The following TACC3 variants were observed in gnomAD, a reference collection of about 807,000 sequenced individuals.
TACC3 encodes transforming acidic coiled-coil containing protein 3.
TACC3 carries 52 observed loss-of-function variants against 86.0 expected under a neutral mutation model. The ratio of observed to expected loss-of-function variants is 0.60; its 90% CI spans 0.48 to 0.76. TACC3 has a LOEUF of 0.76. TACC3 is among the 30% of genes least tolerant of loss of function. The pLI is 0.00. For synonymous variants in TACC3, 512 were observed against 430.0 expected (o/e 1.19, Z -2.36); for missense variants, 1,120 against 1,070.4 (o/e 1.05, Z -0.65).
intron 6 of TACC3, among the ~76,000 whole-genome samples, chr4:1,732,095 G>GT (rs1264641374): frequency 2.0e-5 from 3 of 152,302 alleles, no homozygotes; most frequent in African/African-American, 7.2e-5. Flanking sequence ...GGAGGCTGCA[G>GT]TTAAACATGG....
At chr4:1,740,427 G>C (rs568613366) in intron 12 of TACC3, 1 of 344,342 alleles carries the variant, frequency 2.9e-6, no homozygotes, top group East Asian at 5.9e-5. Flanking sequence ...CTACTGTGGG[G>C]ATCTGTCTTA....
chr4:1,727,886 G>C lies in TACC3; in HGVS notation c.484G>C (p.Gly162Arg). 1 of 1,613,922 alleles carries C rather than the reference G, an allele frequency of 6.2e-7. No homozygotes were observed. Among genetic ancestry groups the C allele is most frequent in the Non-Finnish European group, 8.5e-7 (1 of 1,180,032 alleles). ...LDCSSSSQSP[G>R]SSENQMVSPG... ...CTGCTCAAGCTCTTCCCAGAGCCCAGGAAGTTCTGAGAACCAAATGGTGTC... is the reference window on the plus strand; with the variant it reads ...CTGCTCAAGCTCTTCCCAGAGCCCACGAAGTTCTGAGAACCAAATGGTGTC... The change falls in exon 4 of 16, where the codon GGA (glycine) becomes CGA (arginine). Residue 162 changes from glycine to arginine, a missense_variant. By Grantham distance (125) the Gly-to-Arg change is moderately radical. Coordinates refer to ENST00000313288, the MANE Select transcript of TACC3 (RefSeq NM_006342.3).
chr4:1,724,927 A>ATTTT lies in TACC3; in HGVS notation c.305+1076_305+1079dup, dbSNP rs56412328. On this transcript the variant is annotated intron_variant, in intron 3 of 15. Transcript: ENST00000313288. ...AACTGTGAGCCACCATGCCCGGCCA[A>ATTTT]TTTTTTTTTTTTTTTTTTTTTTACA... is the stretch of plus-strand genomic sequence containing the variant. Among the ~76,000 whole-genome samples, 433 of 110,126 alleles carry ATTTT rather than the reference A, an allele frequency of 3.9e-3. 9 individuals carry two copies. Among genetic ancestry groups the ATTTT allele is most frequent in the African/African-American group, 0.015 (398 of 26,826 alleles). The allele number at this position is 110,126 out of a possible 152,430, so 72.2% of individuals were successfully genotyped here.
chr4:1,728,749 T>C lies in TACC3; in HGVS notation c.1347T>C (p.Ala449=). The change falls in exon 4 of 16, where the codon GCT becomes GCC. Residue 449 remains alanine (A), a synonymous_variant. Coordinates refer to ENST00000313288, the MANE Select transcript of TACC3 (RefSeq NM_006342.3). The stretch of plus-strand genomic sequence containing the variant: ...AGCCAGCGGCTGAACAGTTGCATGC[T>C]GGGCCTGCCACGGAGGAGCCAGGTC... ...LGQPAAEQLH[A]GPATEEPGPC... 6.2e-7 allele frequency: 1 copy of C among 1,611,434 alleles called. No homozygotes were observed. Among genetic ancestry groups the C allele is most frequent in the Non-Finnish European group, 8.5e-7 (1 of 1,179,448 alleles).
chr4:1,723,406 G>C lies in TACC3; in HGVS notation c.-1-15G>C. On this transcript the variant is annotated splice_polypyrimidine_tract_variant and intron_variant, in intron 1 of 15. Transcript: ENST00000313288. ...GTTGCCCTCACACTGACACAAACAT[G>C]TTCTGCTTTTCCAGAATGAGTCTGC... 1.9e-6 allele frequency: 3 copies of C among 1,610,668 alleles called. No homozygotes were observed. The highest frequency in any genetic ancestry group is 2.5e-6 in the Non-Finnish European group (3 of 1,178,190).
chr4:1,741,068 C>A, intron 13 of TACC3, 82 bp downstream of exon 13: 1 of 1,410,078 alleles, frequency 7.1e-7, no homozygotes, highest in Non-Finnish European at 9.6e-7. Context: ...AAGCTGCTGT[C>A]TTTGCACCTT....
At chr4:1,743,293 G>A (rs540982089) in intron 13 of TACC3, among the ~76,000 whole-genome samples, 4 of 149,730 alleles carry the variant, frequency 2.7e-5, no homozygotes, top group East Asian at 3.9e-4. Flanking sequence ...AGTGGCTCAC[G>A]CCTGTAATCC....
intron 8 of TACC3, among the ~76,000 whole-genome samples, chr4:1,736,173 C>T (rs1023760762): frequency 2.4e-4 from 37 of 152,174 alleles, no homozygotes; most frequent in Admixed American, 2.4e-3. Flanking sequence ...CCTGTAATCC[C>T]AGCACTTTGG....
At chr4:1,721,971 T>C (rs1179754005) in intron 1 of TACC3, 1 of 152,220 alleles carries the variant, frequency 6.6e-6, no homozygotes, top group African/African-American at 2.4e-5. Context: ...CTTGGCTCTT[T>C]GTTGGCTCCC....
Position 1,723,425 on chromosome 4 carries a change from A to C in TACC3, c.4A>C (p.Ser2Arg). 1 of 1,612,588 alleles carries C rather than the reference A, an allele frequency of 6.2e-7. No homozygotes were observed. Among genetic ancestry groups the C allele is most frequent in the Non-Finnish European group, 8.5e-7 (1 of 1,179,370 alleles). ...AAACATGTTCTGCTTTTCCAGAATG[A>C]GTCTGCAGGTCTTAAACGACAAAAA... M[S>R]LQVLNDKNVS... Residue 2 changes from serine (S) to arginine (R), a missense_variant, in exon 2 of 16, where the codon AGT becomes CGT. By Grantham distance (110) the Ser-to-Arg change is moderately radical. Coordinates refer to ENST00000313288, the MANE Select transcript of TACC3 (RefSeq NM_006342.3).
Position 1,727,856 on chromosome 4 carries a change from C to T in TACC3, c.454C>T (p.Leu152=), listed in dbSNP as rs761558197. ...GTCTGGCCCAGGTGCCCTGGCTGAC[C>T]TGGACTGCTCAAGCTCTTCCCAGAG... ...SESGPGALAD[L]DCSSSSQSPG... is the part of the protein sequence containing the mutation. The change falls in exon 4 of 16, where the codon CTG becomes TTG. Residue 152 remains leucine (L), a synonymous_variant. Coordinates refer to ENST00000313288, the MANE Select transcript of TACC3 (RefSeq NM_006342.3). 3.1e-6 allele frequency: 5 copies of T among 1,613,572 alleles called. No individual in the cohort carries two copies. The highest frequency in any genetic ancestry group is 1.7e-6 in the Non-Finnish European group (2 of 1,180,036).
chr4:1,731,026 T>C (rs537230998), intron 5 of TACC3, 64 bp downstream of exon 5: 2 of 1,602,388 alleles, frequency 1.2e-6, no homozygotes, highest in African/African-American at 1.3e-5. Context: ...TAGCAGGCAG[T>C]GGAAGCCCCC....
upstream of TACC3, chr4:1,720,676 G>A (rs1308698546): frequency 1.3e-6 from 2 of 1,549,824 alleles, no homozygotes; most frequent in African/African-American, 1.4e-5. This position sits in a 1 kb window ranked among gnomAD's most constrained non-coding sequence, Gnocchi z 4.4. Context: ...CGGCCGTGCG[G>A]CGCAAGTGGA....
Position 1,745,135 on chromosome 4 carries a change from A to G in TACC3, c.*122A>G, listed in dbSNP as rs774278718. 10 of 1,039,698 alleles carry G rather than the reference A, an allele frequency of 9.6e-6. No individual in the cohort carries two copies. Among genetic ancestry groups the G allele is most frequent in the Non-Finnish European group, 1.3e-5 (9 of 719,424 alleles). The allele number at this position is 1,039,698 out of a possible 1,614,324, so 64.4% of individuals were successfully genotyped here. On this transcript the variant is annotated 3_prime_UTR_variant, in exon 16 of 16. Coordinates refer to ENST00000313288, the MANE Select transcript of TACC3 (RefSeq NM_006342.3). ...CTTTTTTAAAAACTAGATTGCTTTG[A>G]AAACATGACTCAATAAAAGTTTCCT...
rs145470576 is a variant in TACC3 at position 1,723,432 on chromosome 4, A to G, written c.11A>G (p.Gln4Arg). 671 of 1,613,094 alleles carry G rather than the reference A, an allele frequency of 4.2e-4. 5 individuals carry two copies. Among genetic ancestry groups the G allele is most frequent in the Middle Eastern group, 6.6e-4 (4 of 6,084 alleles). ...TTCTGCTTTTCCAGAATGAGTCTGCAGGTCTTAAACGACAAAAATGTCAGC... is the reference window on the plus strand; with the variant it reads ...TTCTGCTTTTCCAGAATGAGTCTGCGGGTCTTAAACGACAAAAATGTCAGC... Reference protein sequence around the residue: MSLQVLNDKNVSNE... With the variant: MSLRVLNDKNVSNE... The change falls in exon 2 of 16, where the codon CAG becomes CGG. Residue 4 changes from glutamine (Q) to arginine (R), a missense_variant. Coordinates refer to ENST00000313288, the MANE Select transcript of TACC3 (RefSeq NM_006342.3).
rs1361216939 is a variant in TACC3, at chr4:1,728,027, G to A, written c.625G>A (p.Glu209Lys). Residue 209 changes from glutamate to lysine, a missense_variant, in exon 4 of 16, where the codon GAG becomes AAG. Glu to Lys is a moderately conservative substitution (Grantham distance 56). Coordinates refer to ENST00000313288, the MANE Select transcript of TACC3 (RefSeq NM_006342.3). ...SETLEDPCRT[E>K]SQHKAETPHG... is the part of the protein sequence containing the mutation. ...GACCCTAGAAGACCCTTGCAGGACA[G>A]AGTCCCAGCACAAAGCGGAGACTCC... 4 of 1,613,022 alleles carry A rather than the reference G, an allele frequency of 2.5e-6. No individual in the cohort carries two copies. The highest frequency in any genetic ancestry group is 2.7e-5 in the African/African-American group (2 of 74,930).
Position 1,728,243 on chromosome 4 carries a change from A to AC in TACC3, c.846dup (p.Val283ArgfsTer18), listed in dbSNP as rs1717807981. 1 of 1,612,246 alleles carries AC rather than the reference A, an allele frequency of 6.2e-7. No homozygotes were observed. Among genetic ancestry groups the AC allele is most frequent in the African/African-American group, 1.3e-5 (1 of 74,898 alleles). On this transcript the variant is annotated frameshift_variant, in exon 4 of 16. Coordinates refer to ENST00000313288, the MANE Select transcript of TACC3 (RefSeq NM_006342.3). LOFTEE classifies it high-confidence loss of function. ...CCTGGGCTGCCCTGCGGGTGTGGGCACCCCCGTGCCAGCAGATGGCACTCA... is the reference window on the plus strand; with the variant it reads ...CCTGGGCTGCCCTGCGGGTGTGGGCACCCCCCGTGCCAGCAGATGGCACTCA...
rs1374104736 is a variant in TACC3, at chr4:1,744,835, G to A, written c.2451+3G>A. The A allele has an allele frequency of 2.5e-6, 4 of 1,612,870 alleles. No homozygotes were observed. In the African/African-American group the frequency reaches 4.0e-5, roughly 16 times the overall value. ...TGGAGAAGACAGTGGAGCAGAAGGT[G>A]GGTGCGGGAAGCCCAGCTCAAGGGG... is the stretch of plus-strand genomic sequence containing the variant. On this transcript the variant is annotated splice_donor_region_variant and intron_variant, in intron 15 of 15. Coordinates refer to ENST00000313288, the MANE Select transcript of TACC3 (RefSeq NM_006342.3).
At chr4:1,729,165 C>T (rs768027121) in intron 4 of TACC3, among the ~76,000 whole-genome samples, 32 of 152,212 alleles carry the variant, frequency 2.1e-4, no homozygotes, top group Non-Finnish European at 4.0e-4. Flanking sequence ...TGGGTGGCGT[C>T]CGCTGCTTGC....
Sources: allele counts gnomAD v4.1 joint callset (sites outside exome capture counted in the v4.1 genomes callset), GRCh38; gene constraint gnomAD v4.1.1; non-coding constraint Gnocchi (gnomAD v3.1); transcripts MANE v1.5; gene names NCBI Gene and HGNC (gene_info 2026-07-23, HGNC 2026-07-21).